The following TTC17 variants were observed in gnomAD, a reference collection of about 807,000 sequenced individuals.
The protein encoded by TTC17 is tetratricopeptide repeat protein 17.
Under a neutral mutation model 143.8 loss-of-function variants are expected in TTC17, and 58 were observed. The ratio of observed to expected loss-of-function variants is 0.40; its 90% CI spans 0.33 to 0.50. TTC17 has a LOEUF of 0.50. Among genes scored for constraint, TTC17 ranks in the 20% least tolerant of loss-of-function variants. The pLI is 0.49. For synonymous variants in TTC17, 501 were observed against 497.8 expected, an observed-to-expected ratio of 1.01 and a Z score of -0.09; for missense variants, 1,273 against 1,392.5, an observed-to-expected ratio of 0.91 and a Z score of 1.37.
chr11:43,366,650 GT>G (rs1856355598), intron 1 of TTC17, among the ~76,000 whole-genome samples: 1 of 152,118 alleles, frequency 6.6e-6, no homozygotes, highest in African/African-American at 2.4e-5. Flanking sequence ...ACCTTTAATA[GT>G]TTGGTGCATA....
chr11:43,391,727 A>G (rs1481480024), intron 4 of TTC17, 94 bp from the exon 5 acceptor site: 4 of 1,468,664 alleles, frequency 2.7e-6, no homozygotes, highest in Non-Finnish European at 2.8e-6. Context: ...ATTCCAAAAT[A>G]TTAGTATTTC....
intron 21 of TTC17, among the ~76,000 whole-genome samples, chr11:43,481,106 A>G (rs1226113399): frequency 6.6e-6 from 1 of 152,204 alleles, no homozygotes; most frequent in Non-Finnish European, 1.5e-5. Context: ...ATATTTCAAA[A>G]CAATAATTAT....
chr11:43,372,641 C>T (rs563622330), intron 1 of TTC17, among the ~76,000 whole-genome samples: 1 of 152,124 alleles, frequency 6.6e-6, no homozygotes, highest in South Asian at 2.1e-4. Context: ...TAAGCATGTG[C>T]CACTACGCCT....
In TTC17 at chr11:43,494,215, C is replaced by T. The variant is rs1480082358; in HGVS notation, c.*311C>T. 5.1e-6 allele frequency: 1 copy of T among 197,068 alleles called. No homozygotes were observed. The allele number at this position is 197,068 out of a possible 1,614,324, so 12.2% of individuals were successfully genotyped here. ...GCTCTGTCTCCAAAAACCTCAATGCCTTTAGGGCTTTTCTCAGTGGTCCAG... is the reference window on the plus strand; with the variant it reads ...GCTCTGTCTCCAAAAACCTCAATGCTTTTAGGGCTTTTCTCAGTGGTCCAG... On this transcript the variant is annotated 3_prime_UTR_variant, in exon 24 of 24. Transcript: ENST00000039989.
At chr11:43,395,808 A>AGTG (rs1234158171) in intron 5 of TTC17, among the ~76,000 whole-genome samples, 12 of 152,322 alleles carry the variant, frequency 7.9e-5, no homozygotes, top group African/African-American at 2.9e-4. Flanking sequence ...AGTCACTGAA[A>AGTG]ATCTATAAAA....
rs560098730 is a variant in TTC17 at position 43,402,573 on chromosome 11, TA to T, written c.1332+1025del. ...GCAAGTACAGCCAGAATTCTGAGTA[TA>T]AAAAAAAAAGATTCAAACTCTGAAA... On this transcript the variant is annotated intron_variant, in intron 10 of 23. Transcript: ENST00000039989. Among the ~76,000 whole-genome samples, 26 of 147,590 alleles carry T rather than the reference TA, an allele frequency of 1.8e-4. 1 individual carries two copies. Among genetic ancestry groups the T allele is most frequent in the Non-Finnish European group, 2.7e-4 (18 of 66,434 alleles).
chr11:43,435,174 G>A (rs1178834907), intron 16 of TTC17: 1 of 152,050 alleles, frequency 6.6e-6, no homozygotes, highest in Non-Finnish European at 1.5e-5. Context: ...ATTAAACATA[G>A]AATGTGTTTG....
At chr11:43,363,914 T>A (rs937452976) in intron 1 of TTC17, among the ~76,000 whole-genome samples, 1 of 152,208 alleles carries the variant, frequency 6.6e-6, no homozygotes, top group African/African-American at 2.4e-5. Flanking sequence ...TTTATCTCCA[T>A]AGAATGTTTT....
chr11:43,481,457 A>G (rs1276341273), intron 21 of TTC17, among the ~76,000 whole-genome samples: 1 of 152,166 alleles, frequency 6.6e-6, no homozygotes, highest in African/African-American at 2.4e-5. Flanking sequence ...AAAAGTCTGT[A>G]GAGAATTCCT....
chr11:43,475,719 G>T (rs1278371038), intron 21 of TTC17, among the ~76,000 whole-genome samples: 3 of 152,172 alleles, frequency 2.0e-5, no homozygotes, highest in Non-Finnish European at 4.4e-5. Flanking sequence ...GAGCATTTCA[G>T]TTATCACGTT....
chr11:43,476,100 G>A (rs897776092), intron 21 of TTC17, among the ~76,000 whole-genome samples: 1 of 152,166 alleles, frequency 6.6e-6, no homozygotes, highest in African/African-American at 2.4e-5. Flanking sequence ...TCTCTAGATT[G>A]TGGACTTTAG....
intron 21 of TTC17, among the ~76,000 whole-genome samples, chr11:43,487,772 G>A (rs879887745): frequency 2.0e-5 from 3 of 152,218 alleles, no homozygotes; most frequent in Non-Finnish European, 4.4e-5. Flanking sequence ...CTGGGGGCTG[G>A]AAGCCTGAGA....
At chr11:43,419,130 A>G (rs1056430561) in intron 16 of TTC17, among the ~76,000 whole-genome samples, 1 of 152,224 alleles carries the variant, frequency 6.6e-6, no homozygotes, top group African/African-American at 2.4e-5. Context: ...TTTCTTAATT[A>G]ATTGAGGCAC....
chr11:43,385,520 C>T (rs182369886), intron 2 of TTC17: 2 of 152,100 alleles, frequency 1.3e-5, no homozygotes, highest in African/African-American at 4.8e-5. Flanking sequence ...GGTGGGAACA[C>T]TTCATTTCAA....
intron 21 of TTC17, among the ~76,000 whole-genome samples, chr11:43,454,140 A>G (rs900036901): frequency 1.3e-5 from 2 of 152,232 alleles, no homozygotes; most frequent in African/African-American, 2.4e-5. Flanking sequence ...TATGAAAGGT[A>G]AAATAAGCTC....
intron 16 of TTC17, among the ~76,000 whole-genome samples, chr11:43,442,141 A>G (rs755215334): frequency 5.3e-5 from 8 of 152,352 alleles, no homozygotes; most frequent in African/African-American, 1.2e-4. Flanking sequence ...GCGTAACACA[A>G]TGGTAAATAT....
chr11:43,397,069 A>G lies in TTC17; in HGVS notation c.773+251A>G, dbSNP rs554801343. The G allele has an allele frequency of 2.3e-3, 1,103 of 472,306 alleles. 7 individuals are homozygous for G. Among genetic ancestry groups the G allele is most frequent in the Middle Eastern group, 0.017 (31 of 1,814 alleles). The allele number at this position is 472,306 out of a possible 1,614,324, so 29.3% of individuals were successfully genotyped here. On this transcript the variant is annotated intron_variant, in intron 6 of 23. Coordinates refer to ENST00000039989, the MANE Select transcript of TTC17 (RefSeq NM_018259.6). ...GTAGATGCCCTATGATTCACATGAT[A>G]CTTGAATGGAATTATCATAAACTAA...
At chr11:43,479,487 A>G (rs1267403275) in intron 21 of TTC17, among the ~76,000 whole-genome samples, 4 of 152,194 alleles carry the variant, frequency 2.6e-5, no homozygotes, top group African/African-American at 7.2e-5. Flanking sequence ...TTTACCTGAA[A>G]TATTATAGAG....
chr11:43,451,299 G>GC (rs1947653419), intron 21 of TTC17, 34 bp downstream of exon 21: 2 of 1,591,046 alleles, frequency 1.3e-6, no homozygotes, highest in African/African-American at 2.7e-5. Flanking sequence ...GGAAACAATT[G>GC]CCCTCCTTCT....
Sources: gnomAD v4.1 joint callset for allele counts (sites outside exome capture counted in the v4.1 genomes callset) on GRCh38, gnomAD v4.1.1 for gene constraint, MANE v1.5 for transcripts, NCBI Gene and HGNC (gene_info 2026-07-23, HGNC 2026-07-21) for gene names.